The following UGT1A10 variants were observed in gnomAD, a reference collection of about 807,000 sequenced individuals.
UGT1A10 encodes UDP glucuronosyltransferase family 1 member A10.
UGT1A10 carries 49 observed loss-of-function variants against 45.8 expected under a neutral mutation model. The observed-to-expected ratio is 1.07, with a 90% CI of 0.85 to 1.36. The LOEUF (loss-of-function observed/expected upper bound fraction) is 1.36. Among genes scored for constraint, UGT1A10 ranks in the 40% most tolerant of loss-of-function variants. The probability of loss-of-function intolerance (pLI) is 0.00; values close to 1 mark genes in which losing one functional copy is unlikely to be tolerated. For synonymous variants in UGT1A10, 284 were observed against 249.7 expected (o/e 1.14, Z -1.29); for missense variants, 745 against 668.6 (o/e 1.11, Z -1.26).
At chr2:233,667,805 A>G (rs1054490563) in intron 1 of UGT1A10, among the ~76,000 whole-genome samples, 1 of 152,250 alleles carries the variant, frequency 6.6e-6, no homozygotes. Context: ...TGGCCATCTG[A>G]GAAATGCAAA....
At chr2:233,693,768 T>C in intron 1 of UGT1A10, 3 of 1,614,198 alleles carry the variant, frequency 1.9e-6, no homozygotes, top group Non-Finnish European at 2.5e-6. Context: ...GTTTGGCTGT[T>C]AAGATATGAC....
intron 1 of UGT1A10, among the ~76,000 whole-genome samples, chr2:233,655,759 C>G (rs2924450): frequency 0.76 from 115,052 of 151,430 alleles, 43,812 homozygotes; most frequent in Non-Finnish European, 0.8. Context: ...TCACAGAGCC[C>G]CATCCCTGCA....
intron 4 of UGT1A10, chr2:233,771,145 C>T (rs1356050343): frequency 6.6e-6 from 1 of 152,246 alleles, no homozygotes; most frequent in Non-Finnish European, 1.5e-5. Context: ...AAACACCTCC[C>T]ACCAGGCCCC....
intron 1 of UGT1A10, among the ~76,000 whole-genome samples, chr2:233,645,718 T>C (rs2073583393): frequency 6.6e-6 from 1 of 152,240 alleles, no homozygotes; most frequent in Non-Finnish European, 1.5e-5. Context: ...CCCATGGTCT[T>C]AGGCAGCTCC....
At chr2:233,693,353 AT>A (rs778099997) in intron 1 of UGT1A10, 1 of 1,614,132 alleles carries the variant, frequency 6.2e-7, no homozygotes, top group Admixed American at 1.7e-5. Context: ...GAATAACATG[AT>A]TGTTATTGGC....
chr2:233,750,277 G>T (rs1168754564), intron 1 of UGT1A10, among the ~76,000 whole-genome samples: 1 of 151,936 alleles, frequency 6.6e-6, no homozygotes, highest in Admixed American at 6.5e-5. Context: ...TTAGCAAAGA[G>T]ACTGGTGGCA....
At chr2:233,722,224 A>G (rs2077000987) in intron 1 of UGT1A10, among the ~76,000 whole-genome samples, 1 of 152,140 alleles carries the variant, frequency 6.6e-6, no homozygotes, top group Non-Finnish European at 1.5e-5. Context: ...TTACACCAAA[A>G]TCTTTATCAT....
intron 1 of UGT1A10, among the ~76,000 whole-genome samples, chr2:233,753,927 T>C (rs943116990): frequency 6.6e-6 from 1 of 152,224 alleles, no homozygotes; most frequent in Non-Finnish European, 1.5e-5. Flanking sequence ...CTCAGTGATA[T>C]GGGATTCAAA....
chr2:233,657,131 A>G (rs2073872946), intron 1 of UGT1A10, among the ~76,000 whole-genome samples: 1 of 152,172 alleles, frequency 6.6e-6, no homozygotes, highest in Admixed American at 6.5e-5. Flanking sequence ...CACTCAAGAC[A>G]TTCTGGTGAT....
At chr2:233,747,007 G>A (rs1207556963) in intron 1 of UGT1A10, among the ~76,000 whole-genome samples, 1 of 151,856 alleles carries the variant, frequency 6.6e-6, no homozygotes, top group Non-Finnish European at 1.5e-5. Context: ...TTTCAAGTAG[G>A]AGTGATCGGT....
intron 1 of UGT1A10, chr2:233,718,125 G>A (rs1421445167): frequency 3.5e-6 from 1 of 286,392 alleles, no homozygotes; most frequent in Non-Finnish European, 7.0e-6. Context: ...ATTCCATGGT[G>A]TAGATGGAGA....
At chr2:233,727,469 A>C (rs1381010401) in intron 1 of UGT1A10, among the ~76,000 whole-genome samples, 7 of 152,276 alleles carry the variant, frequency 4.6e-5, no homozygotes, top group Non-Finnish European at 8.8e-5. Flanking sequence ...TGTCTAAATA[A>C]AACACTACTA....
At chr2:233,637,856 A>G (rs1318966632) in intron 1 of UGT1A10, among the ~76,000 whole-genome samples, 1 of 152,212 alleles carries the variant, frequency 6.6e-6, no homozygotes, top group African/African-American at 2.4e-5. Context: ...TCACTTGCCA[A>G]TAAATTATGG....
intron 1 of UGT1A10, among the ~76,000 whole-genome samples, chr2:233,721,219 T>C (rs535662083): frequency 2.0e-5 from 3 of 152,354 alleles, no homozygotes; most frequent in African/African-American, 7.2e-5. Flanking sequence ...TTTCCCCTTA[T>C]GCAATGTAGT....
In UGT1A10 at chr2:233,772,793, T is replaced by C. The variant is rs532329443; in HGVS notation, c.*234T>C. 4.9e-6 allele frequency: 6 copies of C among 1,212,356 alleles called. No individual in the cohort carries two copies. The African/African-American group carries it at 9.2e-5, about 19-fold the overall frequency. 75.1% of individuals were successfully genotyped at this position (1,212,356 alleles called of 1,614,324 possible). ...TCTGGTGTCTTTGATCAGGATGACA[T>C]GTGCCATTTTTCAGAGGACGTGCAG... On this transcript the variant is annotated 3_prime_UTR_variant, in exon 5 of 5. Transcript: ENST00000344644.
chr2:233,653,212 T>C (rs2073781607), intron 1 of UGT1A10, among the ~76,000 whole-genome samples: 1 of 152,196 alleles, frequency 6.6e-6, no homozygotes, highest in Non-Finnish European at 1.5e-5. Flanking sequence ...TGAAAGATAA[T>C]CTGTTTACGT....
At chr2:233,738,331 A>G (rs1320922630) in intron 1 of UGT1A10, among the ~76,000 whole-genome samples, 1 of 152,220 alleles carries the variant, frequency 6.6e-6, no homozygotes, top group African/African-American at 2.4e-5. Context: ...GGACTAATAC[A>G]GTAAATTGGT....
At chr2:233,736,562 G>T (rs1300440200) in intron 1 of UGT1A10, among the ~76,000 whole-genome samples, 1 of 152,158 alleles carries the variant, frequency 6.6e-6, no homozygotes, top group Non-Finnish European at 1.5e-5. Context: ...TGCTAGCAAG[G>T]AGCTGTGATC....
chr2:233,719,025 A>G, intron 1 of UGT1A10: 1 of 1,614,266 alleles, frequency 6.2e-7, no homozygotes, highest in Admixed American at 1.7e-5. Flanking sequence ...GAATATGCAC[A>G]TCAAAGAAGA....
Sources: gnomAD v4.1 joint callset for allele counts (sites outside exome capture counted in the v4.1 genomes callset) on GRCh38, gnomAD v4.1.1 for gene constraint, MANE v1.5 for transcripts, NCBI Gene and HGNC (gene_info 2026-07-23, HGNC 2026-07-21) for gene names.